The following DPP10 variants were observed in gnomAD, a reference collection of about 807,000 sequenced individuals.
DPP10 encodes the protein dipeptidyl peptidase like 10.
DPP10 carries 33 observed loss-of-function variants against 120.9 expected under a neutral mutation model. That is an observed-to-expected ratio of 0.27 (90% CI 0.21 to 0.37). DPP10 has a LOEUF of 0.37. Ranked by LOEUF, DPP10 falls within the 10% of genes least tolerant of loss-of-function variation. The pLI is 1.00. For missense variants in DPP10, 816 were observed against 942.8 expected, an observed-to-expected ratio of 0.87 and a Z score of 1.76; for synonymous variants, 337 against 326.1, an observed-to-expected ratio of 1.03 and a Z score of -0.36.
At chr2:115,598,057 T>C (rs1250561658) in intron 5 of DPP10, among the ~76,000 whole-genome samples, 1 of 152,080 alleles carries the variant, frequency 6.6e-6, no homozygotes, top group African/African-American at 2.4e-5. Context: ...TCTATTTTAT[T>C]TGATATTATT....
chr2:115,646,642 T>C (rs558507082), intron 5 of DPP10, among the ~76,000 whole-genome samples: 1 of 152,312 alleles, frequency 6.6e-6, no homozygotes, highest in East Asian at 1.9e-4. Context: ...TTTGACACCA[T>C]TTAAAAACAT....
intron 1 of DPP10, among the ~76,000 whole-genome samples, chr2:114,864,172 CCT>C (rs1347912402): frequency 1.3e-5 from 2 of 152,118 alleles, no homozygotes; most frequent in Admixed American, 1.3e-4. Context: ...TCAGATATGA[CCT>C]CTCTTTTTTT....
At chr2:115,030,525 T>A (rs1470730221) in intron 1 of DPP10, among the ~76,000 whole-genome samples, 2 of 152,178 alleles carry the variant, frequency 1.3e-5, no homozygotes, top group African/African-American at 4.8e-5. Context: ...ACAGAATGTG[T>A]ACGTTTGTTA....
chr2:114,618,834 G>T (rs925346807), intron 1 of DPP10, among the ~76,000 whole-genome samples: 1 of 151,882 alleles, frequency 6.6e-6, no homozygotes, highest in African/African-American at 2.4e-5. Context: ...GAGAATTCAA[G>T]GCAGAAGTAG....
intron 1 of DPP10, among the ~76,000 whole-genome samples, chr2:114,986,019 C>T (rs1574636296): frequency 2.6e-5 from 4 of 151,980 alleles, no homozygotes; most frequent in South Asian, 4.1e-4. Flanking sequence ...CTTTGTGATG[C>T]GGCAGTCAAT....
chr2:115,339,730 G>C (rs527592759), intron 2 of DPP10, among the ~76,000 whole-genome samples: 40 of 152,126 alleles, frequency 2.6e-4, no homozygotes, highest in Non-Finnish European at 5.3e-4. Flanking sequence ...TGGTATGATT[G>C]TGATTATATA....
chr2:114,907,430 T>A (rs1694057099), intron 1 of DPP10, among the ~76,000 whole-genome samples: 1 of 152,134 alleles, frequency 6.6e-6, no homozygotes, highest in Admixed American at 6.5e-5. Flanking sequence ...AAATATAGAA[T>A]TTACAGCTAT....
intron 5 of DPP10, among the ~76,000 whole-genome samples, chr2:115,672,668 C>CTTTCTTTCTT (rs1553475929): frequency 7.7e-4 from 95 of 122,994 alleles, no homozygotes; most frequent in Non-Finnish European, 1.4e-3. Flanking sequence ...TTCTTTCTTT[C>CTTTCTTTCTT]TCTCTTTCTT....
intron 17 of DPP10, 67 bp downstream of exon 17, chr2:115,782,466 A>G (rs1682887265): frequency 7.1e-7 from 1 of 1,404,380 alleles, no homozygotes; most frequent in South Asian, 1.2e-5. Context: ...CGTGTTATCT[A>G]TTCTGAGTCA....
chr2:115,548,433 G>A (rs1558832750), intron 5 of DPP10, among the ~76,000 whole-genome samples: 2 of 152,126 alleles, frequency 1.3e-5, no homozygotes, highest in African/African-American at 4.8e-5. Flanking sequence ...TTAAAGACGA[G>A]TTTCCCAGGC....
chr2:115,075,991 C>T (rs1390238418), intron 1 of DPP10, among the ~76,000 whole-genome samples: 1 of 152,024 alleles, frequency 6.6e-6, no homozygotes, highest in Non-Finnish European at 1.5e-5. Context: ...AATCGAAAGA[C>T]GTGGGTTTTC....
intron 3 of DPP10, among the ~76,000 whole-genome samples, chr2:115,379,088 C>T (rs985245943): frequency 7.2e-5 from 11 of 152,096 alleles, no homozygotes; most frequent in African/African-American, 2.7e-4. Context: ...GGGAGGATTC[C>T]CTCTTTTTCT....
intron 1 of DPP10, among the ~76,000 whole-genome samples, chr2:115,159,114 G>A (rs761862503): frequency 1.2e-4 from 19 of 152,140 alleles, no homozygotes; most frequent in Non-Finnish European, 2.4e-4. Context: ...CTTAGAGAAT[G>A]AGAATATCTT....
chr2:115,450,854 G>C (rs545014270), intron 3 of DPP10, among the ~76,000 whole-genome samples: 1 of 151,966 alleles, frequency 6.6e-6, no homozygotes, highest in South Asian at 2.1e-4. Context: ...TGTGCACCAT[G>C]TTAGATTTTA....
chr2:115,704,140 A>G (rs1190911235), intron 7 of DPP10, among the ~76,000 whole-genome samples: 4 of 151,920 alleles, frequency 2.6e-5, no homozygotes, highest in Non-Finnish European at 5.9e-5. Context: ...CACAGAGCAC[A>G]TATTTTTCTC....
intron 5 of DPP10, among the ~76,000 whole-genome samples, chr2:115,672,642 T>TTC (rs1239371566): frequency 7.0e-6 from 1 of 142,552 alleles, no homozygotes; most frequent in African/African-American, 2.7e-5. Context: ...CTTTCTTTCT[T>TTC]TCTCTCTCTC....
chr2:115,585,650 CTTTTCTATAATCCA>C (rs1242651401), intron 5 of DPP10, among the ~76,000 whole-genome samples: 1 of 152,110 alleles, frequency 6.6e-6, no homozygotes, highest in Non-Finnish European at 1.5e-5. Context: ...GTTATGTGAG[CTTTTCTATAATCCA>C]TTGGTATCTT....
At chr2:114,780,123 G>A (rs865931497) in intron 1 of DPP10, among the ~76,000 whole-genome samples, 1 of 151,564 alleles carries the variant, frequency 6.6e-6, no homozygotes. Flanking sequence ...GTGACAAAGC[G>A]AGACTGCGTC....
At chr2:115,105,422 TGAGAGAGA>T (rs10565038) in intron 1 of DPP10, among the ~76,000 whole-genome samples, 32,967 of 146,098 alleles carry the variant, frequency 0.23, 4,618 homozygotes, top group African/African-American at 0.4. Flanking sequence ...TGTCACATGG[TGAGAGAGA>T]GAGAGAGAGA....
Sources: gnomAD v4.1 joint callset for allele counts (sites outside exome capture counted in the v4.1 genomes callset) on GRCh38, gnomAD v4.1.1 for gene constraint, MANE v1.5 for transcripts, NCBI Gene and HGNC (gene_info 2026-07-23, HGNC 2026-07-21) for gene names.